Variants in MYO18B observed in about 807,000 individuals in gnomAD.
MYO18B encodes the protein myosin XVIIIB.
MYO18B carries 204 observed loss-of-function variants against 273.0 expected under a neutral mutation model. The observed-to-expected ratio is 0.75, with a 90% confidence interval of 0.67 to 0.84. The LOEUF (loss-of-function observed/expected upper bound fraction) is 0.84, where lower values mean the gene tolerates loss of function less well. MYO18B is among the 40% of genes least tolerant of loss of function. The pLI, the probability that MYO18B is intolerant of heterozygous loss-of-function variation, is 0.00. For missense variants in MYO18B, 3,212 were observed against 3,287.6 expected (o/e 0.98, Z 0.56); for synonymous variants, 1,330 against 1,305.7 (o/e 1.02, Z -0.40).
chr22:25,782,932 C>G (rs760776650), intron 10 of MYO18B, among the ~76,000 whole-genome samples: 41 of 152,152 alleles, frequency 2.7e-4, no homozygotes, highest in Non-Finnish European at 4.7e-4. Flanking sequence ...GAGGACAAGG[C>G]TGTGTGGATT....
intron 12 of MYO18B, among the ~76,000 whole-genome samples, chr22:25,808,559 A>T (rs1457038513): frequency 6.6e-6 from 1 of 152,026 alleles, no homozygotes; most frequent in Non-Finnish European, 1.5e-5. Context: ...GGGTGCTAGG[A>T]TCTCCACCCT....
intron 37 of MYO18B, among the ~76,000 whole-genome samples, chr22:25,951,328 T>A (rs548883008): frequency 2.0e-5 from 3 of 152,238 alleles, no homozygotes; most frequent in Non-Finnish European, 4.4e-5. Context: ...CTTCATTCTT[T>A]TATTCATCAG....
chr22:25,789,512 T>C (rs1235411321), intron 11 of MYO18B, among the ~76,000 whole-genome samples: 1 of 151,824 alleles, frequency 6.6e-6, no homozygotes, highest in Non-Finnish European at 1.5e-5. Context: ...GGCACGTGCC[T>C]GTAATCCCAT....
chr22:26,051,961 T>C, the MYO18B span, among the ~76,000 whole-genome samples: 9 of 152,376 alleles, frequency 5.9e-5, no homozygotes, highest in South Asian at 1.9e-3. Context: ...CATCATTTTT[T>C]AACCAGTCCC....
Position 25,903,672 on chromosome 22 carries a change from G to A in MYO18B, c.4989G>A (p.Glu1663=), listed in dbSNP as rs2091982446. The A allele has an allele frequency of 3.1e-6, 5 of 1,609,792 alleles. No individual in the cohort carries two copies. The African/African-American group carries it at 6.7e-5, about 22-fold the overall frequency. Residue 1663 remains glutamate (E), a synonymous_variant, in exon 31 of 44, where the codon GAG becomes GAA. Transcript: ENST00000335473. ...CCTCACAGCTGAAGCAGCAGGTGGA[G>A]ATGCTACAGGACCATAAACGGGAGC... is the stretch of plus-strand genomic sequence containing the variant. ...QEASQLKQQV[E]MLQDHKRELL...
chr22:25,994,947 G>A (rs1933072919), intron 40 of MYO18B, among the ~76,000 whole-genome samples: 3 of 152,196 alleles, frequency 2.0e-5, no homozygotes, highest in African/African-American at 4.8e-5. Flanking sequence ...TCAAAGTTAA[G>A]TAAACATAAC....
intron 17 of MYO18B, among the ~76,000 whole-genome samples, chr22:25,839,072 GTATA>G (rs1226325094): frequency 3.3e-5 from 5 of 151,522 alleles, no homozygotes; most frequent in African/African-American, 1.2e-4. Flanking sequence ...GTATATGTAT[GTATA>G]TATGTATTAG....
intron 31 of MYO18B, among the ~76,000 whole-genome samples, chr22:25,906,441 ATCCTTTTGCTCCTCAC>A (rs2092046072): frequency 6.6e-6 from 1 of 152,158 alleles, no homozygotes; most frequent in East Asian, 1.9e-4. Context: ...GACGTACACT[ATCCTTTTGCTCCTCAC>A]CACGGCATAG....
At chr22:25,841,238 C>CTG (rs1318914814) in intron 17 of MYO18B, among the ~76,000 whole-genome samples, 1 of 152,158 alleles carries the variant, frequency 6.6e-6, no homozygotes, top group Non-Finnish European at 1.5e-5. Flanking sequence ...GGGGTTCAGG[C>CTG]TGCTGGGGGA....
At chr22:25,952,838 A>G (rs2092808756) in intron 38 of MYO18B, among the ~76,000 whole-genome samples, 1 of 152,156 alleles carries the variant, frequency 6.6e-6, no homozygotes, top group South Asian at 2.1e-4. Flanking sequence ...CCCAACACTC[A>G]TTTTGAACAG....
intron 39 of MYO18B, among the ~76,000 whole-genome samples, chr22:25,960,201 G>A (rs572867490): frequency 1.4e-4 from 22 of 152,248 alleles, no homozygotes; most frequent in African/African-American, 4.3e-4. Context: ...GAGACTCCAG[G>A]AGCCATTATG....
intron 34 of MYO18B, among the ~76,000 whole-genome samples, chr22:25,940,639 G>C (rs746782849): frequency 6.6e-6 from 1 of 152,060 alleles, no homozygotes; most frequent in Non-Finnish European, 1.5e-5. Flanking sequence ...ACATCCCCCC[G>C]GTGGTAGAGA....
At chr22:26,017,138 A>ACTCC (rs529983908) in intron 42 of MYO18B, among the ~76,000 whole-genome samples, 2 of 65,266 alleles carry the variant, frequency 3.1e-5, no homozygotes, top group African/African-American at 6.1e-5. Flanking sequence ...CCTCCCTTCC[A>ACTCC]CTCCCTCCCT....
Position 25,803,967 on chromosome 22 carries a change from A to AACACACACACACAC in MYO18B, c.2521+5900_2521+5913dup, listed in dbSNP as rs151023852. On this transcript the variant is annotated intron_variant, in intron 12 of 43. Coordinates refer to ENST00000335473, the MANE Select transcript of MYO18B (RefSeq NM_032608.7). Reference sequence around the variant, plus strand: ...AAACATTTTACCTCTTGACCCAGTGAACACACACACACACACACACACACA... The same window carrying AACACACACACACAC: ...AAACATTTTACCTCTTGACCCAGTGAACACACACACACACACACACACACACACACACACACACA... 2.0e-3 allele frequency among the ~76,000 whole-genome samples: 279 copies of AACACACACACACAC among 136,950 alleles called. 3 individuals carry two copies. Among genetic ancestry groups the AACACACACACACAC allele is most frequent in the African/African-American group, 5.8e-3 (210 of 36,262 alleles). The allele number at this position is 136,950 out of a possible 152,430, so 89.8% of individuals were successfully genotyped here. A position where few individuals can be genotyped will look rare whatever the true frequency, so the allele number is the denominator to read the frequency against.
chr22:25,901,806 G>GTTT (rs34278088), intron 29 of MYO18B, among the ~76,000 whole-genome samples: 111 of 92,188 alleles, frequency 1.2e-3, no homozygotes, highest in South Asian at 5.5e-3. Context: ...TTTTGGGTTG[G>GTTT]TTTTTTTTTT....
At chr22:25,774,223 C>T (rs573253861) in intron 7 of MYO18B, among the ~76,000 whole-genome samples, 32 of 152,326 alleles carry the variant, frequency 2.1e-4, no homozygotes, top group African/African-American at 7.7e-4. Flanking sequence ...ACCACACCTT[C>T]AGTCACTCCC....
intron 17 of MYO18B, 128 bp downstream of exon 17, chr22:25,835,571 A>G (rs974038581): frequency 8.8e-7 from 1 of 1,140,258 alleles, no homozygotes; most frequent in Admixed American, 2.2e-5. Flanking sequence ...GTGAATGTGC[A>G]TGAGCCTGTG....
At chr22:26,048,083 C>T in the MYO18B span, among the ~76,000 whole-genome samples, 4 of 152,134 alleles carry the variant, frequency 2.6e-5, no homozygotes, top group African/African-American at 4.8e-5. Context: ...AGACTTCCTC[C>T]GGTTACTTTA....
chr22:26,051,786 ATG>A, the MYO18B span, among the ~76,000 whole-genome samples: 1 of 150,918 alleles, frequency 6.6e-6, no homozygotes, highest in Non-Finnish European at 1.5e-5. Context: ...TTTTAAAGGT[ATG>A]TGTCTTAAAA....
Sources: gnomAD v4.1 joint callset for allele counts (sites outside exome capture counted in the v4.1 genomes callset) on GRCh38, gnomAD v4.1.1 for gene constraint, MANE v1.5 for transcripts, NCBI Gene and HGNC (gene_info 2026-07-23, HGNC 2026-07-21) for gene names.